PIP5K1B: variants seen among roughly 807,000 people sequenced by gnomAD.
The protein encoded by PIP5K1B is phosphatidylinositol-4-phosphate 5-kinase type 1 beta.
Under a neutral mutation model 67.0 loss-of-function variants are expected in PIP5K1B, and 42 were observed. The ratio of observed to expected loss-of-function variants is 0.63; its 90% CI spans 0.49 to 0.81. The LOEUF is 0.81. Among genes scored for constraint, PIP5K1B ranks in the 30% least tolerant of loss-of-function variants. PIP5K1B has a pLI of 0.00. For synonymous variants in PIP5K1B, 214 were observed against 231.4 expected, an observed-to-expected ratio of 0.92 and a Z score of 0.68; for missense variants, 459 against 646.3, an observed-to-expected ratio of 0.71 and a Z score of 3.14.
chr9:68,855,697 C>A (rs1294756917), intron 4 of PIP5K1B, among the ~76,000 whole-genome samples: 1 of 152,162 alleles, frequency 6.6e-6, no homozygotes, highest in Non-Finnish European at 1.5e-5. Flanking sequence ...GTTCATCACC[C>A]TTCTCTAAGC....
At chr9:68,801,385 G>A (rs12338345) in intron 2 of PIP5K1B, among the ~76,000 whole-genome samples, 1 of 152,024 alleles carries the variant, frequency 6.6e-6, no homozygotes, top group Admixed American at 6.6e-5. Flanking sequence ...ATTTCTTTCA[G>A]TTGGGCTGAA....
At chr9:68,912,938 A>G (rs7027811) in intron 8 of PIP5K1B, among the ~76,000 whole-genome samples, 147,355 of 152,324 alleles carry the variant, frequency 0.97, 71,441 homozygotes, top group Non-Finnish European at 1. Context: ...AGTTACAGGA[A>G]CACTCATGCA....
At chr9:68,954,273 C>T (rs1828258511) in intron 14 of PIP5K1B, among the ~76,000 whole-genome samples, 1 of 152,142 alleles carries the variant, frequency 6.6e-6, no homozygotes, top group Admixed American at 6.5e-5. Context: ...CCAATCTTCT[C>T]CCCTCTTTAT....
chr9:69,008,320 A>G lies in PIP5K1B; in HGVS notation c.1621-127A>G, dbSNP rs1831179881. The G allele has an allele frequency of 7.3e-6, 6 of 827,166 alleles. No individual in the cohort carries two copies. In the South Asian group the frequency reaches 8.3e-5, roughly 11 times the overall value. 51.2% of individuals were successfully genotyped at this position (827,166 alleles called of 1,614,324 possible). On this transcript the variant is annotated intron_variant, in intron 15 of 15. Coordinates refer to ENST00000265382, the MANE Select transcript of PIP5K1B (RefSeq NM_003558.4). ...TGATCATTGCAGAAGAATCCCAAAC[A>G]TAATGCACCCCATTTTCCAGACACA... is the stretch of plus-strand genomic sequence containing the variant.
intron 1 of PIP5K1B, among the ~76,000 whole-genome samples, chr9:68,721,752 G>A (rs764727223): frequency 1.3e-5 from 2 of 152,094 alleles, no homozygotes; most frequent in African/African-American, 2.4e-5. Context: ...TGTGGAAGAG[G>A]CCATGATGAA....
intron 4 of PIP5K1B, among the ~76,000 whole-genome samples, chr9:68,850,001 A>G (rs1351345434): frequency 6.6e-6 from 1 of 152,210 alleles, no homozygotes; most frequent in East Asian, 1.9e-4. Flanking sequence ...GATCAAAACA[A>G]GAACCAGAAT....
At chr9:68,984,054 C>G (rs1564292491) in intron 14 of PIP5K1B, among the ~76,000 whole-genome samples, 1 of 152,164 alleles carries the variant, frequency 6.6e-6, no homozygotes, top group Non-Finnish European at 1.5e-5. Flanking sequence ...TACCCTGTCT[C>G]TAAAAAATAC....
chr9:68,808,037 A>C (rs1386353509), intron 2 of PIP5K1B, among the ~76,000 whole-genome samples: 2 of 152,156 alleles, frequency 1.3e-5, no homozygotes, highest in Admixed American at 6.5e-5. Context: ...GTCTGTACCA[A>C]AAATACAAAA....
chr9:68,837,898 AAAG>A (rs1455808749), intron 4 of PIP5K1B, among the ~76,000 whole-genome samples: 1 of 152,004 alleles, frequency 6.6e-6, no homozygotes, highest in Admixed American at 6.6e-5. Flanking sequence ...ATGAATTCAG[AAAG>A]AAGCATCTTT....
At chr9:68,964,445 C>T (rs191849503) in intron 14 of PIP5K1B, among the ~76,000 whole-genome samples, 16 of 152,316 alleles carry the variant, frequency 1.1e-4, no homozygotes, top group African/African-American at 3.8e-4. Flanking sequence ...AATAAATTGG[C>T]ATCTCACTTC....
chr9:69,008,524 A>T lies in PIP5K1B; in HGVS notation c.*75A>T, dbSNP rs115425359. The T allele has an allele frequency of 8.0e-4, 1,150 of 1,429,746 alleles. 12 individuals carry two copies. In the African/African-American group the frequency reaches 0.015, roughly 18 times the overall value. The allele number at this position is 1,429,746 out of a possible 1,614,324, so 88.6% of individuals were successfully genotyped here. A position where few individuals can be genotyped will look rare whatever the true frequency, so the allele number is the denominator to read the frequency against. ...TGGCAGAGAAGTTTCTCCGCACCAGAATTATCCACAGCAACTTGGCTGAGC... is the reference window on the plus strand; with the variant it reads ...TGGCAGAGAAGTTTCTCCGCACCAGTATTATCCACAGCAACTTGGCTGAGC... On this transcript the variant is annotated 3_prime_UTR_variant, in exon 16 of 16. Coordinates refer to ENST00000265382, the MANE Select transcript of PIP5K1B (RefSeq NM_003558.4).
intron 2 of PIP5K1B, 118 bp downstream of exon 2, chr9:68,742,775 ATGGGCAGCTGATG>A (rs1305983133): frequency 6.6e-6 from 1 of 152,222 alleles, no homozygotes; most frequent in African/African-American, 2.4e-5. Context: ...AGTGGTGTGA[ATGGGCAGCTGATG>A]TGGGTGGCCT....
chr9:68,715,194 G>A (rs1333768010), intron 1 of PIP5K1B, among the ~76,000 whole-genome samples: 3 of 152,190 alleles, frequency 2.0e-5, no homozygotes, highest in Admixed American at 1.3e-4. Flanking sequence ...GTTGACATGG[G>A]TGCAGGAAAA....
At chr9:68,745,072 G>A (rs887696457) in intron 2 of PIP5K1B, among the ~76,000 whole-genome samples, 2 of 152,292 alleles carry the variant, frequency 1.3e-5, no homozygotes, top group South Asian at 2.1e-4. Context: ...TGGCTTGTCC[G>A]TCAGCATCCA....
chr9:68,980,277 C>G (rs576020136), intron 14 of PIP5K1B, among the ~76,000 whole-genome samples: 1 of 152,330 alleles, frequency 6.6e-6, no homozygotes, highest in Admixed American at 6.5e-5. Flanking sequence ...GCCTGGGTCA[C>G]GCTGGAATGG....
intron 12 of PIP5K1B, among the ~76,000 whole-genome samples, chr9:68,925,432 C>CT (rs1414679305): frequency 4.6e-5 from 7 of 152,072 alleles, no homozygotes; most frequent in African/African-American, 1.4e-4. Flanking sequence ...AAAATGTTAT[C>CT]TGATTGTTTT....
intron 6 of PIP5K1B, among the ~76,000 whole-genome samples, chr9:68,883,560 C>T (rs1824304988): frequency 1.3e-5 from 2 of 152,244 alleles, no homozygotes; most frequent in South Asian, 4.1e-4. Flanking sequence ...CTAGAAGCTA[C>T]CTTTTAATCA....
At chr9:69,001,144 T>C (rs1266440269) in intron 15 of PIP5K1B, among the ~76,000 whole-genome samples, 2 of 151,880 alleles carry the variant, frequency 1.3e-5, no homozygotes, top group Middle Eastern at 3.4e-3. Context: ...TGACCTCAGG[T>C]GATCCACCTG....
chr9:68,891,557 A>G (rs1324319392), intron 7 of PIP5K1B, among the ~76,000 whole-genome samples: 1 of 152,136 alleles, frequency 6.6e-6, no homozygotes, highest in African/African-American at 2.4e-5. Flanking sequence ...TCCTTTCTCT[A>G]GAAACAATAG....
Sources: allele counts gnomAD v4.1 joint callset (sites outside exome capture counted in the v4.1 genomes callset), GRCh38; gene constraint gnomAD v4.1.1; transcripts MANE v1.5; gene names NCBI Gene and HGNC (gene_info 2026-07-23, HGNC 2026-07-21).